STOML2: variants seen among roughly 807,000 people sequenced by gnomAD.
STOML2 encodes stomatin-like protein 2, mitochondrial.
Under a neutral mutation model 45.7 loss-of-function variants are expected in STOML2, and 22 were observed. The observed-to-expected ratio is 0.48, with a 90% CI of 0.34 to 0.69. The LOEUF is 0.69. Among genes scored for constraint, STOML2 ranks in the 30% least tolerant of loss-of-function variants. The pLI is 0.01. For synonymous variants in STOML2, 181 were observed against 182.7 expected, an observed-to-expected ratio of 0.99 and a Z score of 0.08; for missense variants, 359 against 466.9, an observed-to-expected ratio of 0.77 and a Z score of 2.13.
At position 35,103,065 on chromosome 9, in the gene STOML2, C is replaced by G; in HGVS notation, c.30G>C (p.Gly10=). The G allele has an allele frequency of 6.2e-7, 1 of 1,614,052 alleles. No homozygotes were observed. The highest frequency in any genetic ancestry group is 8.5e-7 in the Non-Finnish European group (1 of 1,180,000). The change falls in exon 1 of 10, where the codon GGG becomes GGC. Residue 10 remains glycine (G), a synonymous_variant. Transcript: ENST00000356493. ...TCGCTCTCACCCTCAGCAAAAGGGC[C>G]CCAGTGCCCCGCGCCGCGCGCGCCA... MLARAARGT[G]ALLLRGSLLA...
In STOML2 at chr9:35,101,535, ATG is replaced by A; in HGVS notation, c.468_469del (p.Ile157CysfsTer9). ...AGCAGCTTGGTTGATGGCATCCACA[ATG>A]CTGGCATTCAGGGACTCCCGTTCCT... On this transcript the variant is annotated frameshift_variant, in exon 6 of 10. Coordinates refer to ENST00000356493, the MANE Select transcript of STOML2 (RefSeq NM_013442.3). LOFTEE classifies it high-confidence loss of function. The surrounding 1 kb of genome is among the most constrained non-coding windows in gnomAD (Gnocchi z 4.3). 1 of 1,614,076 alleles carries A rather than the reference ATG, an allele frequency of 6.2e-7. No individual in the cohort carries two copies. Among genetic ancestry groups the A allele is most frequent in the Non-Finnish European group, 8.5e-7 (1 of 1,180,004 alleles).
Position 35,099,965 on chromosome 9 carries a change from G to C in STOML2, c.*70C>G, listed in dbSNP as rs1164694693. 1 of 1,557,240 alleles carries C rather than the reference G, an allele frequency of 6.4e-7. No individual in the cohort carries two copies. The highest frequency in any genetic ancestry group is 8.7e-7 in the Non-Finnish European group (1 of 1,145,922). On this transcript the variant is annotated 3_prime_UTR_variant, in exon 10 of 10. Coordinates refer to ENST00000356493, the MANE Select transcript of STOML2 (RefSeq NM_013442.3). ...AAAAATAAAAACCAAAATCTTGGCA[G>C]GGAAGCTAGAGCCAGAATCAGGAAA...
At chr9:35,103,162 C>A, upstream of STOML2, 1 of 1,586,752 alleles carries the variant, frequency 6.3e-7, no homozygotes, top group Non-Finnish European at 8.6e-7. Flanking sequence ...GAAGCCTACC[C>A]GAGCCTTTCC....
chr9:35,100,203 G>A lies in STOML2; in HGVS notation c.934-31C>T, dbSNP rs760880621. Reference sequence around the variant, plus strand: ...GAGAGGAACAGAGAGAATACCATGAGGACACTTGACAGAGGTGCAGCCCAG... The same window carrying A: ...GAGAGGAACAGAGAGAATACCATGAAGACACTTGACAGAGGTGCAGCCCAG... On this transcript the variant is annotated intron_variant, in intron 9 of 9. Transcript: ENST00000356493. 4 of 1,610,706 alleles carry A rather than the reference G, an allele frequency of 2.5e-6. No individual in the cohort carries two copies. The Admixed American group carries it at 5.0e-5, about 20-fold the overall frequency.
chr9:35,103,074 C>G lies in STOML2; in HGVS notation c.21G>C (p.Arg7=). 2 of 1,613,994 alleles carry G rather than the reference C, an allele frequency of 1.2e-6. No homozygotes were observed. ...CCCTCAGCAAAAGGGCCCCAGTGCC[C>G]CGCGCCGCGCGCGCCAGCATTTCCC... The part of the protein sequence containing the change: MLARAA[R]GTGALLLRGS... Residue 7 remains arginine, a synonymous_variant, in exon 1 of 10, where the codon CGG becomes CGC. Transcript: ENST00000356493.
upstream of STOML2, chr9:35,103,148 C>A: frequency 6.2e-7 from 1 of 1,603,466 alleles, no homozygotes; most frequent in Non-Finnish European, 8.5e-7. Context: ...AGCGGTCGCT[C>A]CCAGAAGCCT....
Position 35,101,575 on chromosome 9 carries a change from G to GT in STOML2, c.445-16dup. On this transcript the variant is annotated splice_polypyrimidine_tract_variant and intron_variant, in intron 5 of 9. Transcript: ENST00000356493. This position sits in a 1 kb window ranked among gnomAD's most constrained non-coding sequence, Gnocchi z 4.3. ...GACTCCCGTTCCTGGAAAAAGAGGT[G>GT]TAAGCCCCACAGCCTCAACCTACCT... The GT allele has an allele frequency of 6.2e-7, 1 of 1,614,030 alleles. No individual in the cohort carries two copies.
Position 35,102,725 on chromosome 9 carries a change from C to G in STOML2, c.144G>C (p.Val48=), listed in dbSNP as rs764928047. Residue 48 remains valine (V), a synonymous_variant, in exon 2 of 10, where the codon GTG becomes GTC. Transcript: ENST00000356493. This position sits in a 1 kb window ranked among gnomAD's most constrained non-coding sequence, Gnocchi z 4.8. ...GGTGGAATCGGCCCATTCGCTCCAC[C>G]ACCCAGGCCTCCTGCTGCGGCACGA... ...VLFVPQQEAW[V]VERMGRFHRI... 6.2e-7 allele frequency: 1 copy of G among 1,613,522 alleles called. No individual in the cohort carries two copies. Among genetic ancestry groups the G allele is most frequent in the Non-Finnish European group, 8.5e-7 (1 of 1,180,022 alleles).
chr9:35,099,960 T>C lies in STOML2; in HGVS notation c.*75A>G. The stretch of plus-strand genomic sequence containing the variant: ...AATAAAAAAATAAAAACCAAAATCT[T>C]GGCAGGGAAGCTAGAGCCAGAATCA... On this transcript the variant is annotated 3_prime_UTR_variant, in exon 10 of 10. Transcript: ENST00000356493. 2 of 1,552,860 alleles carry C rather than the reference T, an allele frequency of 1.3e-6. No individual in the cohort carries two copies. The highest frequency in any genetic ancestry group is 2.4e-5 in the South Asian group (2 of 85,076).
chr9:35,101,852 A>C lies in STOML2; in HGVS notation c.343-41T>G. On this transcript the variant is annotated intron_variant, in intron 4 of 9. Coordinates refer to ENST00000356493, the MANE Select transcript of STOML2 (RefSeq NM_013442.3). The surrounding 1 kb of genome is among the most constrained non-coding windows in gnomAD (Gnocchi z 4.3). Reference sequence around the variant, plus strand: ...ATAGTGTAAGAAGCTTGGGCACAAGATTTTAGTGAAGAGGGCAACTCAAAA... The same window carrying C: ...ATAGTGTAAGAAGCTTGGGCACAAGCTTTTAGTGAAGAGGGCAACTCAAAA... The C allele has an allele frequency of 6.2e-7, 1 of 1,614,156 alleles. No individual in the cohort carries two copies. Among genetic ancestry groups the C allele is most frequent in the Non-Finnish European group, 8.5e-7 (1 of 1,180,016 alleles).
In STOML2 at chr9:35,100,669, TG is replaced by T; in HGVS notation, c.861del (p.Lys288AsnfsTer68). ...ATAGTGTTGGAGTCCTTGGCCAGTT[TG>T]GAGAACGCGCTGACATACTGCTCGG... ...TVAEQYVSAF[S>X]KLAKDSNTIL... On this transcript the variant is annotated frameshift_variant, in exon 9 of 10. Transcript: ENST00000356493. LOFTEE classifies it high-confidence loss of function. 6.2e-7 allele frequency: 1 copy of T among 1,614,114 alleles called. No individual in the cohort carries two copies. Among genetic ancestry groups the T allele is most frequent in the Non-Finnish European group, 8.5e-7 (1 of 1,180,028 alleles).
Position 35,099,996 on chromosome 9 carries a change from C to T in STOML2, c.*39G>A, listed in dbSNP as rs1249755349. ...CTAGAGCCAGAATCAGGAAAATCTG[C>T]TTCCTTGTTCCCAGACTCCCTGGCC... On this transcript the variant is annotated 3_prime_UTR_variant, in exon 10 of 10. Transcript: ENST00000356493. 4 of 1,586,846 alleles carry T rather than the reference C, an allele frequency of 2.5e-6. No homozygotes were observed. Among genetic ancestry groups the T allele is most frequent in the Non-Finnish European group, 3.4e-6 (4 of 1,161,514 alleles).
rs1829845760 is a variant in STOML2, at chr9:35,102,621, G to C, written c.183+65C>G. Reference sequence around the variant, plus strand: ...GGGCAGGCCCAAAGGAAGTCCTCCCGACATTGCATGTCGTGAGGGATTGGT... The same window carrying C: ...GGGCAGGCCCAAAGGAAGTCCTCCCCACATTGCATGTCGTGAGGGATTGGT... On this transcript the variant is annotated intron_variant, in intron 2 of 9. Transcript: ENST00000356493. The surrounding 1 kb of genome is among the most constrained non-coding windows in gnomAD (Gnocchi z 4.8). 1 of 1,592,100 alleles carries C rather than the reference G, an allele frequency of 6.3e-7. No homozygotes were observed. The highest frequency in any genetic ancestry group is 8.5e-7 in the Non-Finnish European group (1 of 1,170,140).
At chr9:35,100,492 G>A in intron 9 of STOML2, 106 bp downstream of exon 9, 1 of 1,485,556 alleles carries the variant, frequency 6.7e-7, no homozygotes, top group Non-Finnish European at 9.3e-7. Context: ...CTAGGGCCAA[G>A]GCACTCTGAA....
chr9:35,101,009 C>T lies in STOML2; in HGVS notation c.727G>A (p.Glu243Lys), dbSNP rs1829805091. The change falls in exon 8 of 10, where the codon GAG (glutamate) becomes AAG (lysine). Residue 243 changes from glutamate to lysine, a missense_variant and splice_region_variant. Glu to Lys is a moderately conservative substitution (Grantham distance 56). Transcript: ENST00000356493. This position sits in a 1 kb window ranked among gnomAD's most constrained non-coding sequence, Gnocchi z 4.3. The stretch of plus-strand genomic sequence containing the variant: ...GCCTTCGCCAGAACTGCACTGGCCT[C>T]TCCTGCAAGAGAAGGGACAGAGCTT... ...KAEQINQAAG[E>K]ASAVLAKAKA... 1 of 1,613,950 alleles carries T rather than the reference C, an allele frequency of 6.2e-7. No homozygotes were observed. The highest frequency in any genetic ancestry group is 1.3e-5 in the African/African-American group (1 of 75,040).
chr9:35,102,795 G>A lies in STOML2; in HGVS notation c.74C>T (p.Pro25Leu). 6.2e-7 allele frequency: 1 copy of A among 1,614,032 alleles called. No individual in the cohort carries two copies. Among genetic ancestry groups the A allele is most frequent in the Middle Eastern group, 1.7e-4 (1 of 6,046 alleles). ...GGGCAATCCAGAGGAGGCGCGGCGCGGAGCGCGGCCAGAAGCCAGTAGAGA... is the reference window on the plus strand; with the variant it reads ...GGGCAATCCAGAGGAGGCGCGGCGCAGAGCGCGGCCAGAAGCCAGTAGAGA... ...RGSLLASGRA[P>L]RRASSGLPRN... is the part of the protein sequence containing the mutation. Residue 25 changes from proline (P) to leucine (L), a missense_variant, in exon 2 of 10, where the codon CCG (proline) becomes CTG (leucine). By Grantham distance (98) the Pro-to-Leu change is moderately conservative (BLOSUM62 -3). Around this residue, in one of 2 missense-constraint regions of STOML2, gnomAD observed 74 missense variants for 45.0 expected, o/e 1.65. Transcript: ENST00000356493. This position sits in a 1 kb window ranked among gnomAD's most constrained non-coding sequence, Gnocchi z 4.8.
Position 35,101,871 on chromosome 9 carries a change from C to G in STOML2, c.342+33G>C, listed in dbSNP as rs77199230. 1.6e-3 allele frequency: 2,584 copies of G among 1,614,042 alleles called. 43 individuals are homozygous for G. In the African/African-American group the frequency reaches 0.03, roughly 19 times the overall value. On this transcript the variant is annotated intron_variant, in intron 4 of 9. Transcript: ENST00000356493. This position sits in a 1 kb window ranked among gnomAD's most constrained non-coding sequence, Gnocchi z 4.3. The stretch of plus-strand genomic sequence containing the variant: ...CACAAGATTTTAGTGAAGAGGGCAA[C>G]TCAAAAGGCTGGATAAAGTAGGGGA...
In STOML2 at chr9:35,102,371, C is replaced by A. The variant is rs1010555377; in HGVS notation, c.184-177G>T. The A allele has an allele frequency of 4.5e-6, 3 of 667,010 alleles. No individual in the cohort carries two copies. The highest frequency in any genetic ancestry group is 2.9e-5 in the Admixed American group (1 of 34,214). 41.3% of individuals were successfully genotyped at this position (667,010 alleles called of 1,614,324 possible). ...TCACTGGTAAGAAAACCCAAGAGAA[C>A]AGGAATGCAAGACTAGGCCCCTGAA... On this transcript the variant is annotated intron_variant, in intron 2 of 9. Transcript: ENST00000356493. The surrounding 1 kb of genome is among the most constrained non-coding windows in gnomAD (Gnocchi z 4.8).
Position 35,100,098 on chromosome 9 carries a change from G to A in STOML2, c.1008C>T (p.Ser336=). The A allele has an allele frequency of 6.2e-7, 1 of 1,614,184 alleles. No individual in the cohort carries two copies. The highest frequency in any genetic ancestry group is 1.3e-5 in the African/African-American group (1 of 75,040). ...TTGCATCTGTACCCTGGACATCTCTGCTGCTCCCACTGGAGAGTGAGTCTG... is the reference window on the plus strand; with the variant it reads ...TTGCATCTGTACCCTGGACATCTCTACTGCTCCCACTGGAGAGTGAGTCTG... ...GTPDSLSSGS[S]RDVQGTDASL... Residue 336 remains serine (S), a synonymous_variant, in exon 10 of 10, where the codon AGC becomes AGT. Transcript: ENST00000356493.
Sources: gnomAD v4.1 joint callset for allele counts on GRCh38, gnomAD v4.1.1 for gene constraint, gnomAD v4.1.1 regional missense constraint, Gnocchi (gnomAD v3.1) non-coding constraint, MANE v1.5 for transcripts, NCBI Gene and HGNC (gene_info 2026-07-23, HGNC 2026-07-21) for gene names.